The following PDE7B variants were observed in gnomAD, a reference collection of about 807,000 sequenced individuals.
PDE7B encodes 3',5'-cyclic-AMP phosphodiesterase 7B.
PDE7B carries 29 observed loss-of-function variants against 56.2 expected under a neutral mutation model. The observed-to-expected ratio is 0.52, with a 90% CI of 0.38 to 0.70. The LOEUF (loss-of-function observed/expected upper bound fraction) is 0.70, where lower values mean the gene tolerates loss of function less well. Ranked by LOEUF, PDE7B falls within the 30% of genes least tolerant of loss-of-function variation. The pLI is 0.00. For synonymous variants in PDE7B, 197 were observed against 196.9 expected (o/e 1.00, Z 0.00); for missense variants, 490 against 565.0 (o/e 0.87, Z 1.35).
At chr6:136,180,086 G>T (rs1197083121) in intron 10 of PDE7B, among the ~76,000 whole-genome samples, 1 of 152,200 alleles carries the variant, frequency 6.6e-6, no homozygotes, top group Non-Finnish European at 1.5e-5. Context: ...AGATAGATGA[G>T]ATGGAGCTAC....
At chr6:135,981,916 AAGT>A in intron 2 of PDE7B, among the ~76,000 whole-genome samples, 1 of 152,100 alleles carries the variant, frequency 6.6e-6, no homozygotes, top group Non-Finnish European at 1.5e-5. Flanking sequence ...CCTGGCAGAG[AAGT>A]AGGTTTGTTT....
At chr6:135,952,241 A>C (rs888280232) in intron 2 of PDE7B, among the ~76,000 whole-genome samples, 7 of 152,214 alleles carry the variant, frequency 4.6e-5, no homozygotes, top group African/African-American at 1.4e-4. Context: ...ATTGATAATA[A>C]GCAAATATAA....
At chr6:136,153,612 ATT>A (rs1778559832) in intron 6 of PDE7B, among the ~76,000 whole-genome samples, 1 of 152,140 alleles carries the variant, frequency 6.6e-6, no homozygotes, top group African/African-American at 2.4e-5. Flanking sequence ...TTTCATTGGT[ATT>A]TGTTATTCAA....
chr6:135,988,588 G>A (rs1170500135), intron 2 of PDE7B, among the ~76,000 whole-genome samples: 2 of 152,138 alleles, frequency 1.3e-5, no homozygotes, highest in African/African-American at 2.4e-5. Context: ...TATTATTTTT[G>A]TGTTGAATGA....
intron 2 of PDE7B, among the ~76,000 whole-genome samples, chr6:135,948,428 C>T (rs896669103): frequency 1.4e-4 from 21 of 151,906 alleles, no homozygotes; most frequent in Admixed American, 1.4e-3. Context: ...TTTCTATTTA[C>T]TCTGCCCACT....
chr6:136,049,938 C>T (rs1307361354), intron 2 of PDE7B, among the ~76,000 whole-genome samples: 1 of 112,244 alleles, frequency 8.9e-6, no homozygotes, highest in Non-Finnish European at 1.8e-5. Context: ...AGTTAAATCA[C>T]TGCATTTTTT....
chr6:136,095,234 AAACACACTTT>A (rs1473271970), intron 2 of PDE7B, among the ~76,000 whole-genome samples: 1 of 152,192 alleles, frequency 6.6e-6, no homozygotes, highest in Non-Finnish European at 1.5e-5. Context: ...TCTTCCCTTT[AAACACACTTT>A]AACACTGACC....
chr6:136,009,651 T>A (rs539360842), intron 2 of PDE7B, among the ~76,000 whole-genome samples: 1 of 152,350 alleles, frequency 6.6e-6, no homozygotes, highest in South Asian at 2.1e-4. Flanking sequence ...TATTGATGTA[T>A]AAGAATGCTT....
rs1004963775 is a variant in PDE7B at position 135,952,212 on chromosome 6, A to C, written c.82+4688A>C. Among the ~76,000 whole-genome samples, 6 of 152,168 alleles carry C rather than the reference A, an allele frequency of 3.9e-5. No individual in the cohort carries two copies. In the South Asian group the frequency reaches 1.2e-3, roughly 32 times the overall value. On this transcript the variant is annotated intron_variant, in intron 2 of 12. Transcript: ENST00000308191. ...TCAATAAGTTGATGCATAAATGATA[A>C]ATAATTGAAAATGTAAAAATTGATA... is the stretch of plus-strand genomic sequence containing the variant.
intron 1 of PDE7B, among the ~76,000 whole-genome samples, chr6:135,938,624 C>G (rs1339788670): frequency 2.0e-5 from 3 of 152,180 alleles, no homozygotes; most frequent in African/African-American, 7.2e-5. Flanking sequence ...AAGAGGCTGT[C>G]TTCAATGTGC....
At chr6:136,104,300 G>A (rs1777613012) in intron 2 of PDE7B, among the ~76,000 whole-genome samples, 2 of 152,102 alleles carry the variant, frequency 1.3e-5, no homozygotes. Context: ...AGCTTCCACA[G>A]CACCTTTCAT....
At chr6:136,033,876 G>A (rs774442484) in intron 2 of PDE7B, among the ~76,000 whole-genome samples, 7 of 132,226 alleles carry the variant, frequency 5.3e-5, no homozygotes, top group Non-Finnish European at 7.9e-5. Flanking sequence ...CAGAGTGGTC[G>A]TGTGTGTGCA....
chr6:135,857,024 T>TCCCTC lies in PDE7B; in HGVS notation c.21+5007_21+5008insCTCCC, dbSNP rs1562412156. Among the ~76,000 whole-genome samples the TCCCTC allele has an allele frequency of 3.7e-3, 468 of 127,570 alleles. 8 individuals carry two copies. The highest frequency in any genetic ancestry group is 0.026 in the East Asian group (108 of 4,094). The allele number at this position is 127,570 out of a possible 152,430, so 83.7% of individuals were successfully genotyped here. ...TTTCCTTCTGCCCTCTTACTCCTTT[T>TCCCTC]CCTCCCTCCCTCCCTCCCTCCCTCC... On this transcript the variant is annotated intron_variant, in intron 1 of 12. Transcript: ENST00000308191.
At chr6:136,106,728 C>T (rs1404951995) in intron 2 of PDE7B, among the ~76,000 whole-genome samples, 3 of 152,190 alleles carry the variant, frequency 2.0e-5, no homozygotes, top group Non-Finnish European at 4.4e-5. Flanking sequence ...GATAAATATA[C>T]TGTCATGTTG....
intron 3 of PDE7B, chr6:136,117,273 A>T (rs923851846): frequency 6.6e-5 from 10 of 152,196 alleles, no homozygotes; most frequent in African/African-American, 2.4e-4. Context: ...TTGTTCAATA[A>T]AATTAAATTC....
At chr6:136,179,784 T>C (rs1779034286) in intron 10 of PDE7B, among the ~76,000 whole-genome samples, 2 of 152,244 alleles carry the variant, frequency 1.3e-5, no homozygotes, top group African/African-American at 2.4e-5. Context: ...TACCTAAACT[T>C]CTATTTTCAT....
intron 3 of PDE7B, among the ~76,000 whole-genome samples, chr6:136,113,078 A>T (rs1777773985): frequency 6.6e-6 from 1 of 152,212 alleles, no homozygotes; most frequent in Admixed American, 6.5e-5. Flanking sequence ...AGCTTAAAAG[A>T]TCTATTGTAT....
chr6:136,174,637 C>T (rs947485044), intron 9 of PDE7B, among the ~76,000 whole-genome samples: 24 of 152,220 alleles, frequency 1.6e-4, no homozygotes, highest in Admixed American at 1.4e-3. Context: ...GATTGCTGTA[C>T]CCTTCTTCAA....
At chr6:136,046,803 A>T (rs1047554688) in intron 2 of PDE7B, among the ~76,000 whole-genome samples, 1 of 152,204 alleles carries the variant, frequency 6.6e-6, no homozygotes, top group Admixed American at 6.5e-5. Context: ...AAATCCTTTC[A>T]TCTTTCCACA....
Sources: allele counts gnomAD v4.1 joint callset (sites outside exome capture counted in the v4.1 genomes callset), GRCh38; gene constraint gnomAD v4.1.1; transcripts MANE v1.5; gene names NCBI Gene and HGNC (gene_info 2026-07-23, HGNC 2026-07-21).